Variants in AFG2A observed in about 807,000 individuals in gnomAD.
AFG2A encodes ATPase family gene 2 protein homolog A.
chr4:123,248,710 C>A, the AFG2A span, among the ~76,000 whole-genome samples: 2 of 152,142 alleles, frequency 1.3e-5, no homozygotes, highest in South Asian at 4.1e-4. Context: ...AATATCAATT[C>A]TTTTTAAATA....
chr4:123,107,062 A>G, the AFG2A span, among the ~76,000 whole-genome samples: 1 of 152,184 alleles, frequency 6.6e-6, no homozygotes, highest in Non-Finnish European at 1.5e-5. Flanking sequence ...GACGAGGGGA[A>G]CACAGTGGTG....
At chr4:123,145,301 A>G in the AFG2A span, among the ~76,000 whole-genome samples, 1 of 152,044 alleles carries the variant, frequency 6.6e-6, no homozygotes. Context: ...CTGTGGACAG[A>G]TACATCAGGG....
At chr4:122,936,515 T>C in the AFG2A span, among the ~76,000 whole-genome samples, 3 of 152,206 alleles carry the variant, frequency 2.0e-5, no homozygotes, top group Admixed American at 1.3e-4. Flanking sequence ...TGTTATGTTA[T>C]ACTTTGCTTC....
At chr4:123,289,186 A>AATCT in the AFG2A span, among the ~76,000 whole-genome samples, 3 of 152,052 alleles carry the variant, frequency 2.0e-5, no homozygotes, top group Non-Finnish European at 4.4e-5. Context: ...CCCCGTTCTG[A>AATCT]ATCTCCAGTG....
chr4:122,980,538 C>G, the AFG2A span, among the ~76,000 whole-genome samples: 2 of 152,116 alleles, frequency 1.3e-5, no homozygotes, highest in Non-Finnish European at 2.9e-5. Flanking sequence ...ATTGCTGAAT[C>G]TTTTGGTAAC....
the AFG2A span, among the ~76,000 whole-genome samples, chr4:123,124,933 G>T: frequency 2.0e-5 from 3 of 152,120 alleles, no homozygotes; most frequent in Non-Finnish European, 4.4e-5. Flanking sequence ...CTCTGGTTTT[G>T]TTTGGCGATT....
chr4:123,309,698 C>T, the AFG2A span, among the ~76,000 whole-genome samples: 1 of 152,026 alleles, frequency 6.6e-6, no homozygotes, highest in Non-Finnish European at 1.5e-5. Context: ...CTTTTGAGTA[C>T]CAACATAACA....
the AFG2A span, among the ~76,000 whole-genome samples, chr4:122,963,608 G>A: frequency 1.3e-5 from 2 of 152,270 alleles, no homozygotes; most frequent in African/African-American, 2.4e-5. Flanking sequence ...GTGGAACTAG[G>A]ATCAACAGTG....
the AFG2A span, among the ~76,000 whole-genome samples, chr4:123,162,598 G>C: frequency 6.6e-6 from 1 of 152,106 alleles, no homozygotes; most frequent in South Asian, 2.1e-4. Context: ...AGAATTCATA[G>C]TCTCAAATAA....
At chr4:123,270,117 A>G in the AFG2A span, among the ~76,000 whole-genome samples, 1 of 152,196 alleles carries the variant, frequency 6.6e-6, no homozygotes, top group Non-Finnish European at 1.5e-5. Flanking sequence ...ACCCAGCCAG[A>G]TTTATAGTTT....
At chr4:123,181,384 G>T in the AFG2A span, among the ~76,000 whole-genome samples, 1 of 152,002 alleles carries the variant, frequency 6.6e-6, no homozygotes, top group Non-Finnish European at 1.5e-5. Flanking sequence ...AGGCAAGGTG[G>T]ACAGATTGCT....
chr4:123,036,842 C>T, the AFG2A span, among the ~76,000 whole-genome samples: 3 of 151,974 alleles, frequency 2.0e-5, no homozygotes, highest in African/African-American at 7.2e-5. Flanking sequence ...TTTTTACTTG[C>T]CCACAGCATT....
the AFG2A span, among the ~76,000 whole-genome samples, chr4:123,082,051 C>T: frequency 1.1e-4 from 16 of 152,228 alleles, no homozygotes; most frequent in South Asian, 2.1e-4. Context: ...ATGTGTCTTT[C>T]GTAGACACTT....
chr4:123,133,429 G>A, the AFG2A span, among the ~76,000 whole-genome samples: 632 of 152,076 alleles, frequency 4.2e-3, 5 homozygotes, highest in African/African-American at 0.015. Flanking sequence ...GTGGTTACAG[G>A]CATATGTGCC....
chr4:123,044,866 A>C, the AFG2A span, among the ~76,000 whole-genome samples: 2 of 151,500 alleles, frequency 1.3e-5, no homozygotes, highest in African/African-American at 4.9e-5. Flanking sequence ...TTGTAAGCTT[A>C]TTTAGTGCAC....
At chr4:123,161,058 G>T in the AFG2A span, among the ~76,000 whole-genome samples, 2 of 152,180 alleles carry the variant, frequency 1.3e-5, no homozygotes, top group Admixed American at 6.6e-5. Flanking sequence ...AGTCTAGGAT[G>T]ACTTTCTGTC....
chr4:123,251,713 T>C, the AFG2A span, among the ~76,000 whole-genome samples: 1 of 152,120 alleles, frequency 6.6e-6, no homozygotes, highest in African/African-American at 2.4e-5. Context: ...TCCTAAGTCC[T>C]GTATTTGTTT....
At chr4:122,933,524 CTTAAGTT>C in the AFG2A span, 1 of 1,597,992 alleles carries the variant, frequency 6.3e-7, no homozygotes. Flanking sequence ...AAATTGTTTT[CTTAAGTT>C]TTAAGCTGCA....
At chr4:123,123,030 C>T in the AFG2A span, among the ~76,000 whole-genome samples, 1 of 152,002 alleles carries the variant, frequency 6.6e-6, no homozygotes, top group African/African-American at 2.4e-5. Context: ...GCAGTTGCCT[C>T]AAGAAAATCT....
Sources: gnomAD v4.1 joint callset for allele counts (sites outside exome capture counted in the v4.1 genomes callset) on GRCh38, gnomAD v4.1.1 for gene constraint, MANE v1.5 for transcripts, NCBI Gene and HGNC (gene_info 2026-07-23, HGNC 2026-07-21) for gene names.